The following PRICKLE2 variants were observed in gnomAD, a reference collection of about 807,000 sequenced individuals.
The protein encoded by PRICKLE2 is prickle-like protein 2.
A neutral mutation model predicts 81.4 loss-of-function variants in PRICKLE2; 21 were observed. The ratio of observed to expected loss-of-function variants is 0.26; its 90% CI spans 0.18 to 0.37. The LOEUF (loss-of-function observed/expected upper bound fraction) is 0.37. Ranked by LOEUF, PRICKLE2 falls within the 10% of genes least tolerant of loss-of-function variation. The pLI, the probability that PRICKLE2 is intolerant of heterozygous loss-of-function variation, is 1.00. For synonymous variants in PRICKLE2, 456 were observed against 421.5 expected (o/e 1.08, Z -1.00); for missense variants, 940 against 1,109.0 (o/e 0.85, Z 2.16).
upstream of PRICKLE2, among the ~76,000 whole-genome samples, chr3:64,225,717 A>AT (rs906775446): frequency 6.6e-6 from 1 of 151,704 alleles, no homozygotes; most frequent in Non-Finnish European, 1.5e-5. Flanking sequence ...ACACATGCCT[A>AT]TTTTTTTTCT....
Position 64,225,301 on chromosome 3 carries a change from A to G in PRICKLE2, c.-432T>C. 2 of 985,496 alleles carry G rather than the reference A, an allele frequency of 2.0e-6. No individual in the cohort carries two copies. Among genetic ancestry groups the G allele is most frequent in the Non-Finnish European group, 2.4e-6 (2 of 829,988 alleles). 61.0% of individuals were successfully genotyped at this position (985,496 alleles called of 1,614,324 possible). A position where few individuals can be genotyped will look rare whatever the true frequency, so the allele number is the denominator to read the frequency against. ...ATGACAATCTGAAGGAAGAAGTCAT[A>G]GACTCCAGCCCAGCGTCACCAGCTG... On this transcript the variant is annotated 5_prime_UTR_variant, in exon 1 of 8. Transcript: ENST00000638394.
At chr3:64,155,516 A>G (rs1443256633) in intron 5 of PRICKLE2, among the ~76,000 whole-genome samples, 3 of 152,184 alleles carry the variant, frequency 2.0e-5, no homozygotes, top group African/African-American at 7.2e-5. Flanking sequence ...TTATCATATG[A>G]CCCAGCAATT....
intron 2 of PRICKLE2, among the ~76,000 whole-genome samples, chr3:64,253,877 T>C (rs1244002890): frequency 6.6e-6 from 1 of 152,170 alleles, no homozygotes; most frequent in Non-Finnish European, 1.5e-5. Flanking sequence ...GCCAGTGTCA[T>C]GAGAGGAGTT....
Position 64,163,073 on chromosome 3 carries a change from A to G in PRICKLE2, c.201T>C (p.Pro67=). Reference sequence around the variant, plus strand: ...GCTGCTTGATTCGCAGTTTCTCTCCAGGACTGTTGACATAAGGGACTTTCT... The same window carrying G: ...GCTGCTTGATTCGCAGTTTCTCTCCGGGACTGTTGACATAAGGGACTTTCT... ...PEEKVPYVNS[P]GEKLRIKQLL... The change falls in exon 3 of 8, where the codon CCT becomes CCC. Residue 67 remains proline, a synonymous_variant. Coordinates refer to ENST00000638394, the MANE Select transcript of PRICKLE2 (RefSeq NM_198859.4). The G allele has an allele frequency of 6.2e-7, 1 of 1,614,092 alleles. No homozygotes were observed. The highest frequency in any genetic ancestry group is 8.5e-7 in the Non-Finnish European group (1 of 1,179,958).
At chr3:64,115,712 A>T (rs2076923398) in intron 7 of PRICKLE2, among the ~76,000 whole-genome samples, 1 of 152,170 alleles carries the variant, frequency 6.6e-6, no homozygotes, top group South Asian at 2.1e-4. Context: ...GTTCTTAGAG[A>T]CCTTCAAAGA....
intron 2 of PRICKLE2, among the ~76,000 whole-genome samples, chr3:64,249,131 T>C (rs1487628649): frequency 1.3e-5 from 2 of 152,204 alleles, no homozygotes; most frequent in Non-Finnish European, 2.9e-5. Context: ...TAATTGGCTC[T>C]TGGTTCTGCA....
At chr3:64,200,176 A>G (rs13099983) in intron 1 of PRICKLE2, 83,574 of 152,014 alleles carry the variant, frequency 0.55, 25,373 homozygotes, top group Non-Finnish European at 0.67. Flanking sequence ...TTCTGTCTCT[A>G]TGGTTTTGCC....
In PRICKLE2 at chr3:64,094,554, GAAGT is replaced by G. The variant is rs1450387441; in HGVS notation, c.*4493_*4496del. 3 of 152,202 alleles carry G rather than the reference GAAGT, an allele frequency of 2.0e-5. No individual in the cohort carries two copies. Among genetic ancestry groups the G allele is most frequent in the Non-Finnish European group, 4.4e-5 (3 of 68,012 alleles). The allele number at this position is 152,202 out of a possible 1,614,324, so 9.4% of individuals were successfully genotyped here. On this transcript the variant is annotated 3_prime_UTR_variant, in exon 8 of 8. Coordinates refer to ENST00000638394, the MANE Select transcript of PRICKLE2 (RefSeq NM_198859.4). ...TGAGGAAAGCTAGTTTTGTCAGCAG[GAAGT>G]AAGCTTATAAAATAGTATGGCTCCC...
rs1444454724 is a variant in PRICKLE2 at position 64,094,807 on chromosome 3, G to C, written c.*4244C>G. 1 of 152,664 alleles carries C rather than the reference G, an allele frequency of 6.6e-6. No homozygotes were observed. Among genetic ancestry groups the C allele is most frequent in the Non-Finnish European group, 1.5e-5 (1 of 68,036 alleles). The allele number at this position is 152,664 out of a possible 1,614,324, so 9.5% of individuals were successfully genotyped here. ...GTGCTTAAAGAAATGTACCTCAAAA[G>C]GTGGCGATCTGAAACTGCCTTCAAC... On this transcript the variant is annotated 3_prime_UTR_variant, in exon 8 of 8. Transcript: ENST00000638394.
intron 2 of PRICKLE2, among the ~76,000 whole-genome samples, chr3:64,190,833 C>G (rs153726): frequency 0.19 from 29,126 of 152,160 alleles, 3,286 homozygotes; most frequent in East Asian, 0.48. Context: ...TCCCTTTGCA[C>G]TCTGAGAAGC....
intron 2 of PRICKLE2, among the ~76,000 whole-genome samples, chr3:64,251,532 C>CA (rs2079447486): frequency 6.6e-6 from 1 of 152,206 alleles, no homozygotes; most frequent in Non-Finnish European, 1.5e-5. Context: ...CCGACTTTGA[C>CA]AAAAAAGGGA....
chr3:64,214,951 T>C (rs2078849369), intron 1 of PRICKLE2, among the ~76,000 whole-genome samples: 1 of 152,124 alleles, frequency 6.6e-6, no homozygotes, highest in African/African-American at 2.4e-5. Context: ...CTATCTTTAC[T>C]ATCCTACTCC....
chr3:64,200,581 A>C (rs941981991), intron 1 of PRICKLE2: 1 of 151,342 alleles, frequency 6.6e-6, no homozygotes, highest in Non-Finnish European at 1.5e-5. Context: ...TAGCCTCCCA[A>C]GTAGCTGGGA....
At chr3:64,179,655 G>C (rs2078092447) in intron 2 of PRICKLE2, among the ~76,000 whole-genome samples, 1 of 152,162 alleles carries the variant, frequency 6.6e-6, no homozygotes, top group African/African-American at 2.4e-5. Context: ...CCACGAGAGT[G>C]CTGCAAATAT....
chr3:64,144,034 T>C (rs2077405383), intron 7 of PRICKLE2, among the ~76,000 whole-genome samples: 1 of 151,972 alleles, frequency 6.6e-6, no homozygotes, highest in South Asian at 2.1e-4. Flanking sequence ...CAGATGTGGA[T>C]GTATTTGAGG....
intron 1 of PRICKLE2, among the ~76,000 whole-genome samples, chr3:64,216,948 T>G (rs541811485): frequency 6.6e-6 from 1 of 152,322 alleles, no homozygotes; most frequent in South Asian, 2.1e-4. Context: ...TGGCAACTTC[T>G]GAGATGATGA....
At chr3:64,140,719 T>C (rs949168257) in intron 7 of PRICKLE2, among the ~76,000 whole-genome samples, 1 of 152,150 alleles carries the variant, frequency 6.6e-6, no homozygotes, top group African/African-American at 2.4e-5. Context: ...CCCTGGACCA[T>C]CTCTGCTTGT....
In PRICKLE2 at chr3:64,147,786, G is replaced by T. The variant is rs2077482079; in HGVS notation, c.788-84C>A. ...CGTGAAACACATAGCACCTTGGTTT[G>T]TCTCAGGATTCCAGGTGCGGCAGGA... On this transcript the variant is annotated intron_variant, in intron 6 of 7. Transcript: ENST00000638394. The surrounding 1 kb of genome is among the most constrained non-coding windows in gnomAD (Gnocchi z 5.0). 3.4e-6 allele frequency: 5 copies of T among 1,469,288 alleles called. No individual in the cohort carries two copies. The highest frequency in any genetic ancestry group is 2.8e-5 in the African/African-American group (2 of 72,008). 91.0% of individuals were successfully genotyped at this position (1,469,288 alleles called of 1,614,324 possible).
intron 1 of PRICKLE2, among the ~76,000 whole-genome samples, chr3:64,217,939 A>G (rs183683800): frequency 1.3e-5 from 2 of 152,324 alleles, no homozygotes; most frequent in Admixed American, 6.5e-5. Context: ...GGGCTTCCTT[A>G]CAAAATAGGA....
Sources: allele counts gnomAD v4.1 joint callset (sites outside exome capture counted in the v4.1 genomes callset), GRCh38; gene constraint gnomAD v4.1.1; non-coding constraint Gnocchi (gnomAD v3.1); transcripts MANE v1.5; gene names NCBI Gene and HGNC (gene_info 2026-07-23, HGNC 2026-07-21).